The following FMN2 variants were observed in gnomAD, a reference collection of about 807,000 sequenced individuals.
FMN2 encodes formin 2.
Under a neutral mutation model 142.3 loss-of-function variants are expected in FMN2, and 51 were observed. The ratio of observed to expected loss-of-function variants is 0.36; its 90% CI spans 0.29 to 0.45. The LOEUF (loss-of-function observed/expected upper bound fraction) is 0.45, where lower values mean the gene tolerates loss of function less well. Ranked by LOEUF, FMN2 falls within the 20% of genes least tolerant of loss-of-function variation. The probability of loss-of-function intolerance (pLI) is 1.00; values close to 1 mark genes in which losing one functional copy is unlikely to be tolerated. For synonymous variants in FMN2, 882 were observed against 869.8 expected (o/e 1.01, Z -0.25); for missense variants, 1,936 against 2,122.8 (o/e 0.91, Z 1.73).
intron 1 of FMN2, among the ~76,000 whole-genome samples, chr1:240,118,989 G>T (rs1662129158): frequency 6.6e-6 from 1 of 152,166 alleles, no homozygotes; most frequent in African/African-American, 2.4e-5. Flanking sequence ...GGGGAACAAG[G>T]ATGTTACCCA....
Position 240,207,992 on chromosome 1 carries a change from A to G in FMN2, c.3180A>G (p.Gly1060=), listed in dbSNP as rs1666489698. ...AGIPPPPPLP[G]AGIPPPPPLP... is the part of the protein sequence containing the mutation. ...TACCCCCTCCTCCCCCTCTTCCCGGAGCGGGCATACCTCCTCCACCCCCTC... is the reference window on the plus strand; with the variant it reads ...TACCCCCTCCTCCCCCTCTTCCCGGGGCGGGCATACCTCCTCCACCCCCTC... The change falls in exon 5 of 18, where the codon GGA becomes GGG. Residue 1060 remains glycine, a synonymous_variant. Transcript: ENST00000319653. 4.9e-6 allele frequency: 1 copy of G among 204,018 alleles called. No individual in the cohort carries two copies. The highest frequency in any genetic ancestry group is 8.9e-6 in the Non-Finnish European group (1 of 112,688). The allele number at this position is 204,018 out of a possible 1,614,324, so 12.6% of individuals were successfully genotyped here.
At chr1:240,456,548 C>T (rs554352668) in intron 16 of FMN2, among the ~76,000 whole-genome samples, 102 of 152,176 alleles carry the variant, frequency 6.7e-4, no homozygotes, top group Non-Finnish European at 9.4e-4. Flanking sequence ...CCTCTGCCTC[C>T]CGAGTTCAAG....
intron 4 of FMN2, among the ~76,000 whole-genome samples, chr1:240,196,239 G>A (rs1352567016): frequency 6.6e-6 from 1 of 152,206 alleles, no homozygotes; most frequent in African/African-American, 2.4e-5. Flanking sequence ...TAGGAAGAGG[G>A]AGAGTGGAGC....
intron 14 of FMN2, among the ~76,000 whole-genome samples, chr1:240,367,527 T>C (rs1237710651): frequency 2.6e-5 from 4 of 152,032 alleles, no homozygotes; most frequent in African/African-American, 9.7e-5. Context: ...CCCAGCACTT[T>C]GGAGGCCAAG....
At chr1:240,174,627 A>G (rs1184353009) in intron 2 of FMN2, among the ~76,000 whole-genome samples, 1 of 152,020 alleles carries the variant, frequency 6.6e-6, no homozygotes. Flanking sequence ...TTGCCTCCCA[A>G]AGTGCTGGGA....
chr1:240,344,579 A>T (rs1671844470), intron 13 of FMN2, among the ~76,000 whole-genome samples: 1 of 152,222 alleles, frequency 6.6e-6, no homozygotes, highest in Non-Finnish European at 1.5e-5. Flanking sequence ...AATATACATT[A>T]CTTTCAGTGG....
intron 16 of FMN2, among the ~76,000 whole-genome samples, chr1:240,452,224 A>G (rs1338820896): frequency 2.6e-5 from 4 of 152,264 alleles, no homozygotes; most frequent in African/African-American, 9.6e-5. Context: ...TTAGTTATGT[A>G]GCCATTCACT....
chr1:240,438,343 G>A (rs1336447077), intron 16 of FMN2, 133 bp downstream of exon 16: 8 of 972,320 alleles, frequency 8.2e-6, no homozygotes, highest in Non-Finnish European at 1.0e-5. Context: ...AGTTGAAGAG[G>A]ATGCTGACAT....
At chr1:240,437,641 C>T (rs1314156736) in intron 15 of FMN2, among the ~76,000 whole-genome samples, 1 of 152,058 alleles carries the variant, frequency 6.6e-6, no homozygotes, top group African/African-American at 2.4e-5. Flanking sequence ...TGTAGGAAGG[C>T]AAATAGTGTA....
chr1:240,368,852 A>G (rs759866733), intron 14 of FMN2, among the ~76,000 whole-genome samples: 12 of 151,818 alleles, frequency 7.9e-5, no homozygotes, highest in Non-Finnish European at 1.5e-4. Flanking sequence ...CCCCTCTACT[A>G]CTTTTCAAGT....
chr1:240,109,759 A>G (rs1288533123), intron 1 of FMN2, among the ~76,000 whole-genome samples: 1 of 152,056 alleles, frequency 6.6e-6, no homozygotes, highest in Admixed American at 6.6e-5. Flanking sequence ...ATCCTGAGAC[A>G]CTGACTCTCC....
Position 240,218,832 on chromosome 1 carries a change from C to A in FMN2, c.4065+7597C>A, listed in dbSNP as rs111812788. Among the ~76,000 whole-genome samples the A allele has an allele frequency of 4.7e-3, 710 of 152,206 alleles. 4 individuals carry two copies. Among genetic ancestry groups the A allele is most frequent in the African/African-American group, 0.017 (690 of 41,500 alleles). ...GGAGGGCTAATTTATTGTGGAACAA[C>A]CCAAGAGAGACAGTTTTGAGTAATT... On this transcript the variant is annotated intron_variant, in intron 6 of 17. Transcript: ENST00000319653.
At chr1:240,148,635 A>C (rs960281494) in intron 2 of FMN2, among the ~76,000 whole-genome samples, 24 of 152,136 alleles carry the variant, frequency 1.6e-4, no homozygotes, top group African/African-American at 5.8e-4. Context: ...ATTTGAAAAA[A>C]CTTGAGATGT....
intron 2 of FMN2, among the ~76,000 whole-genome samples, chr1:240,146,003 A>C (rs1267156540): frequency 2.0e-5 from 3 of 152,062 alleles, no homozygotes; most frequent in African/African-American, 7.2e-5. Context: ...CTGTTGGTAC[A>C]TATAATCACT....
chr1:240,188,215 T>C lies in FMN2; in HGVS notation c.1939T>C (p.Ser647Pro), dbSNP rs748615142. 3.1e-6 allele frequency: 5 copies of C among 1,613,802 alleles called. No individual in the cohort carries two copies. Among genetic ancestry groups the C allele is most frequent in the Non-Finnish European group, 4.2e-6 (5 of 1,179,926 alleles). Residue 647 changes from serine (S) to proline (P), a missense_variant, in exon 4 of 18, where the codon TCT becomes CCT. Around this residue, in one of 8 missense-constraint regions of FMN2, gnomAD observed 478 missense variants for 462.8 expected, o/e 1.03. Transcript: ENST00000319653. ...RLEDAETESQ[S>P]AVSETPQKRS... ...CTTCCTTTCCAATCTAGAATCTCAA[T>C]CTGCTGTTTCAGAAACTCCCCAAAA...
At chr1:240,433,730 G>A (rs1352658656) in intron 15 of FMN2, among the ~76,000 whole-genome samples, 3 of 152,156 alleles carry the variant, frequency 2.0e-5, no homozygotes, top group Non-Finnish European at 4.4e-5. Context: ...GTAATTTGAG[G>A]GTTCTTCCTG....
chr1:240,117,060 T>C, intron 1 of FMN2, among the ~76,000 whole-genome samples: 1 of 151,924 alleles, frequency 6.6e-6, no homozygotes, highest in South Asian at 2.1e-4. Flanking sequence ...AGAGAAGGGA[T>C]AGCCAAAGAA....
intron 15 of FMN2, among the ~76,000 whole-genome samples, chr1:240,414,818 C>G (rs1310252223): frequency 1.3e-5 from 2 of 152,154 alleles, no homozygotes. Flanking sequence ...TATTTTGACC[C>G]TGTGGTGGCA....
rs546390449 is a variant in FMN2, at chr1:240,180,814, G to A, written c.1930+2746G>A. Among the ~76,000 whole-genome samples, 629 of 151,864 alleles carry A rather than the reference G, an allele frequency of 4.1e-3. 2 individuals carry two copies. The highest frequency in any genetic ancestry group is 7.2e-3 in the Non-Finnish European group (486 of 67,946). ...ATTCCTGACCTCAAGTGATCTGCCC[G>A]CCTCTGCCTCCCAAAGTGCTGGGAT... On this transcript the variant is annotated intron_variant, in intron 3 of 17. Coordinates refer to ENST00000319653, the MANE Select transcript of FMN2 (RefSeq NM_020066.5).
Sources: allele counts gnomAD v4.1 joint callset (sites outside exome capture counted in the v4.1 genomes callset), GRCh38; gene constraint gnomAD v4.1.1; regional missense constraint gnomAD v4.1.1; transcripts MANE v1.5; gene names NCBI Gene and HGNC (gene_info 2026-07-23, HGNC 2026-07-21).